TSEN2: variants seen among roughly 807,000 people sequenced by gnomAD.
TSEN2 encodes the protein tRNA-splicing endonuclease subunit Sen2.
Under a neutral mutation model 59.2 loss-of-function variants are expected in TSEN2, and 54 were observed. The ratio of observed to expected loss-of-function variants is 0.91; its 90% CI spans 0.73 to 1.14. The LOEUF (loss-of-function observed/expected upper bound fraction) is 1.14, where lower values mean the gene tolerates loss of function less well. Ranked by LOEUF, TSEN2 falls within the 50% of genes most tolerant of loss-of-function variation. The probability of loss-of-function intolerance (pLI) is 0.00; values close to 1 mark genes in which losing one functional copy is unlikely to be tolerated. For synonymous variants in TSEN2, 195 were observed against 198.2 expected, an observed-to-expected ratio of 0.98 and a Z score of 0.14; for missense variants, 636 against 576.2, an observed-to-expected ratio of 1.10 and a Z score of -1.06.
chr3:12,502,662 G>A lies in TSEN2; in HGVS notation c.309-600G>A, dbSNP rs541518973. ...AAATTTTCATAGTTTGTTAAACTGG[G>A]GGTTAGTTTTTTTTGTTTTTTTTTT... On this transcript the variant is annotated intron_variant, in intron 4 of 11. Transcript: ENST00000284995. 2.1e-5 allele frequency among the ~76,000 whole-genome samples: 3 copies of A among 144,136 alleles called. No individual in the cohort carries two copies. In the East Asian group the frequency reaches 6.3e-4, roughly 30 times the overall value. 94.6% of individuals were successfully genotyped at this position (144,136 alleles called of 152,430 possible). A position where few individuals can be genotyped will look rare whatever the true frequency, so the allele number is the denominator to read the frequency against.
intron 10 of TSEN2, 106 bp from the exon 11 acceptor site, chr3:12,531,464 A>T: frequency 1.4e-6 from 1 of 715,748 alleles, no homozygotes; most frequent in Non-Finnish European, 2.5e-6. Flanking sequence ...TTCCACTTGG[A>T]GTGCACAGTG....
intron 6 of TSEN2, chr3:12,506,708 T>C: frequency 1.0e-6 from 1 of 985,400 alleles, no homozygotes; most frequent in Non-Finnish European, 1.2e-6. Flanking sequence ...ATGTTGATAG[T>C]GCACACAGAA....
intron 4 of TSEN2, among the ~76,000 whole-genome samples, chr3:12,499,209 C>T (rs1284631733): frequency 6.6e-6 from 1 of 152,190 alleles, no homozygotes; most frequent in Non-Finnish European, 1.5e-5. Flanking sequence ...CAGGACCCTT[C>T]TGTGATGCCT....
chr3:12,523,728 C>T (rs1327946151), intron 8 of TSEN2, among the ~76,000 whole-genome samples: 7 of 151,300 alleles, frequency 4.6e-5, no homozygotes, highest in East Asian at 1.9e-4. Flanking sequence ...TTAGTAGAGA[C>T]AGGGTTTTGC....
chr3:12,500,071 A>C (rs551449790), intron 4 of TSEN2, among the ~76,000 whole-genome samples: 4 of 152,276 alleles, frequency 2.6e-5, no homozygotes, highest in Non-Finnish European at 5.9e-5. Context: ...GCGGTCCTGG[A>C]TGGTGCTGCT....
At chr3:12,499,274 G>C (rs2054056701) in intron 4 of TSEN2, among the ~76,000 whole-genome samples, 1 of 152,178 alleles carries the variant, frequency 6.6e-6, no homozygotes, top group Non-Finnish European at 1.5e-5. Context: ...CCTGATGGTC[G>C]TGCTGGTTGC....
intron 6 of TSEN2, among the ~76,000 whole-genome samples, chr3:12,514,371 G>A (rs1435770989): frequency 1.3e-5 from 2 of 152,160 alleles, no homozygotes. Flanking sequence ...TATTCTAAGG[G>A]CAGTGAAATC....
downstream of TSEN2, among the ~76,000 whole-genome samples, chr3:12,533,858 G>A (rs1178539278): frequency 6.6e-6 from 1 of 152,084 alleles, no homozygotes; most frequent in Non-Finnish European, 1.5e-5. Flanking sequence ...CCAATATGGG[G>A]TAAAATATTT....
In TSEN2 at chr3:12,505,379, A is replaced by G; in HGVS notation, c.909+148A>G. 6.0e-6 allele frequency: 4 copies of G among 666,808 alleles called. No individual in the cohort carries two copies. The Middle Eastern group carries it at 1.0e-3, about 173-fold the overall frequency. 41.3% of individuals were successfully genotyped at this position (666,808 alleles called of 1,614,324 possible). The stretch of plus-strand genomic sequence containing the variant: ...TTGAAATCACTATGGGTAGCTCCCA[A>G]GTAGGCCTGCCTTTCACTCCTCAGC... On this transcript the variant is annotated intron_variant, in intron 6 of 11. Coordinates refer to ENST00000284995, the MANE Select transcript of TSEN2 (RefSeq NM_025265.4).
intron 7 of TSEN2, among the ~76,000 whole-genome samples, chr3:12,516,990 A>G (rs2056189524): frequency 6.6e-6 from 1 of 152,220 alleles, no homozygotes; most frequent in Admixed American, 6.5e-5. Context: ...CTACTATGGT[A>G]AAAGCTATAT....
At chr3:12,488,749 T>C (rs1406243553) in intron 1 of TSEN2, among the ~76,000 whole-genome samples, 1 of 152,220 alleles carries the variant, frequency 6.6e-6, no homozygotes, top group African/African-American at 2.4e-5. Flanking sequence ...TACTGCTCAA[T>C]AACCCTTCAC....
chr3:12,514,190 G>C lies in TSEN2; in HGVS notation c.910-2421G>C, dbSNP rs190542613. 2.0e-5 allele frequency among the ~76,000 whole-genome samples: 3 copies of C among 152,288 alleles called. No individual in the cohort carries two copies. The East Asian group carries it at 5.8e-4, about 29-fold the overall frequency. ...GCCAGGGAAGACCTCTCCAAGAAGT[G>C]ACCTTTGAGTCTGGAGCAGAACATG... On this transcript the variant is annotated intron_variant, in intron 6 of 11. Coordinates refer to ENST00000284995, the MANE Select transcript of TSEN2 (RefSeq NM_025265.4).
chr3:12,520,650 C>T (rs760702232), intron 8 of TSEN2, among the ~76,000 whole-genome samples: 1 of 151,864 alleles, frequency 6.6e-6, no homozygotes, highest in Admixed American at 6.6e-5. Flanking sequence ...ATTAGCTGGG[C>T]GTGGTAGCAG....
intron 3 of TSEN2, among the ~76,000 whole-genome samples, chr3:12,496,165 CA>C (rs768913735): frequency 6.6e-6 from 1 of 152,258 alleles, no homozygotes; most frequent in Non-Finnish European, 1.5e-5. Flanking sequence ...AGATGAAGTG[CA>C]TACCTCTAGG....
At chr3:12,526,790 C>T (rs1235633686) in intron 8 of TSEN2, among the ~76,000 whole-genome samples, 1 of 152,202 alleles carries the variant, frequency 6.6e-6, no homozygotes, top group African/African-American at 2.4e-5. Flanking sequence ...TGCCAGTGTT[C>T]TTGCTTAAAC....
At chr3:12,534,400 A>G (rs1160171861), downstream of TSEN2, among the ~76,000 whole-genome samples, 1 of 152,208 alleles carries the variant, frequency 6.6e-6, no homozygotes, top group African/African-American at 2.4e-5. Context: ...GAATGCTTCA[A>G]ATCTCAGCTC....
At chr3:12,497,035 A>G (rs1271548719) in intron 4 of TSEN2, among the ~76,000 whole-genome samples, 1 of 152,078 alleles carries the variant, frequency 6.6e-6, no homozygotes, top group Non-Finnish European at 1.5e-5. Flanking sequence ...GCATGTGCTC[A>G]ATCCTGCTCA....
chr3:12,495,730 C>G (rs1265925952), intron 3 of TSEN2, among the ~76,000 whole-genome samples: 1 of 152,216 alleles, frequency 6.6e-6, no homozygotes, highest in Non-Finnish European at 1.5e-5. Context: ...AACATCATCT[C>G]TTCCAAGCAT....
At chr3:12,517,857 T>C (rs1376818722) in intron 7 of TSEN2, among the ~76,000 whole-genome samples, 5 of 152,094 alleles carry the variant, frequency 3.3e-5, no homozygotes, top group Non-Finnish European at 7.4e-5. Context: ...AATTCAGCCT[T>C]CTCTATAAGG....
Sources: gnomAD v4.1 joint callset for allele counts (sites outside exome capture counted in the v4.1 genomes callset) on GRCh38, gnomAD v4.1.1 for gene constraint, MANE v1.5 for transcripts, NCBI Gene and HGNC (gene_info 2026-07-23, HGNC 2026-07-21) for gene names.